The following COL22A1 variants were observed in gnomAD, a reference collection of about 807,000 sequenced individuals.
The protein encoded by COL22A1 is collagen alpha-1(XXII) chain.
In COL22A1, 221 loss-of-function variants were observed where a neutral mutation model predicts 248.9. That is an observed-to-expected ratio of 0.89 (90% CI 0.80 to 0.99). COL22A1 has a LOEUF of 0.99. COL22A1 is among the 50% of genes least tolerant of loss of function. COL22A1 has a pLI of 0.00. For synonymous variants in COL22A1, 891 were observed against 793.4 expected, an observed-to-expected ratio of 1.12 and a Z score of -2.07; for missense variants, 2,240 against 2,179.0, an observed-to-expected ratio of 1.03 and a Z score of -0.56.
chr8:138,795,419 A>C (rs1170485452), intron 12 of COL22A1, among the ~76,000 whole-genome samples: 1 of 152,146 alleles, frequency 6.6e-6, no homozygotes, highest in Non-Finnish European at 1.5e-5. Flanking sequence ...AAGAAATGTG[A>C]GGGAGAAAAT....
At chr8:138,824,013 A>G (rs555179562) in intron 6 of COL22A1, among the ~76,000 whole-genome samples, 34 of 152,344 alleles carry the variant, frequency 2.2e-4, no homozygotes, top group African/African-American at 7.9e-4. Flanking sequence ...TCTGTGCTCC[A>G]CATGGCTTCA....
chr8:138,624,989 C>T (rs1221262041), intron 51 of COL22A1, among the ~76,000 whole-genome samples: 1 of 152,160 alleles, frequency 6.6e-6, no homozygotes, highest in Non-Finnish European at 1.5e-5. Context: ...GAATATAACC[C>T]CATGATTAAT....
intron 39 of COL22A1, among the ~76,000 whole-genome samples, chr8:138,682,590 A>C (rs940223606): frequency 4.6e-5 from 7 of 152,176 alleles, no homozygotes; most frequent in African/African-American, 1.7e-4. Flanking sequence ...TCTTCTCTGA[A>C]CACATTCTGC....
chr8:138,642,944 G>A (rs530901770), intron 47 of COL22A1, among the ~76,000 whole-genome samples: 470 of 151,640 alleles, frequency 3.1e-3, no homozygotes, highest in African/African-American at 0.01. Context: ...CAGGAGAATC[G>A]CTTGAACCTG....
chr8:138,656,069 G>A, intron 44 of COL22A1, 125 bp from the exon 45 acceptor site: 1 of 757,746 alleles, frequency 1.3e-6, no homozygotes. Context: ...CCGTGCGTGG[G>A]ATACGGACAG....
chr8:138,850,545 C>T (rs570353321), intron 3 of COL22A1, among the ~76,000 whole-genome samples: 11 of 152,058 alleles, frequency 7.2e-5, no homozygotes, highest in East Asian at 1.9e-4. Flanking sequence ...TGATGGGAGC[C>T]GGGGATGCAG....
intron 7 of COL22A1, among the ~76,000 whole-genome samples, chr8:138,815,873 T>A (rs1323552222): frequency 6.6e-6 from 1 of 152,052 alleles, no homozygotes; most frequent in Non-Finnish European, 1.5e-5. Flanking sequence ...GACTGACCAC[T>A]CCCCTGCTCC....
intron 46 of COL22A1, 113 bp downstream of exon 46, chr8:138,649,552 C>A (rs1490083126): frequency 3.3e-6 from 5 of 1,508,572 alleles, no homozygotes; most frequent in Non-Finnish European, 4.4e-6. Flanking sequence ...TATCTTGAAT[C>A]TTGAACCCCT....
intron 3 of COL22A1, among the ~76,000 whole-genome samples, chr8:138,863,668 C>T (rs950781052): frequency 6.6e-6 from 1 of 152,132 alleles, no homozygotes; most frequent in Non-Finnish European, 1.5e-5. Context: ...TGCAGGGCTC[C>T]GTGGCTGTGC....
chr8:138,610,751 A>G (rs1326780579), intron 56 of COL22A1, among the ~76,000 whole-genome samples: 8 of 152,142 alleles, frequency 5.3e-5, no homozygotes, highest in African/African-American at 1.9e-4. Flanking sequence ...ACCTGTTCTG[A>G]GTACTCTCTG....
chr8:138,806,139 G>GT (rs1563788699), intron 10 of COL22A1, among the ~76,000 whole-genome samples: 101 of 64,508 alleles, frequency 1.6e-3, no homozygotes, highest in Middle Eastern at 0.011. Flanking sequence ...GGTGTGTGGT[G>GT]GTGTGTGTGT....
At chr8:138,898,079 C>T (rs28750143) in intron 1 of COL22A1, among the ~76,000 whole-genome samples, 94,749 of 151,984 alleles carry the variant, frequency 0.62, 30,508 homozygotes, top group East Asian at 0.85. Context: ...TAGGACTCTG[C>T]GCTCATAACC....
intron 1 of COL22A1, among the ~76,000 whole-genome samples, chr8:138,911,859 A>G (rs753167056): frequency 1.7e-4 from 26 of 152,200 alleles, no homozygotes; most frequent in Non-Finnish European, 2.9e-4. Context: ...GATCCCTGGG[A>G]GCCACTCTTG....
intron 3 of COL22A1, among the ~76,000 whole-genome samples, chr8:138,865,394 G>C (rs1327488888): frequency 1.3e-5 from 2 of 151,980 alleles, no homozygotes; most frequent in Non-Finnish European, 2.9e-5. Flanking sequence ...GTGAGTGTAT[G>C]TGTGTGTCTT....
intron 12 of COL22A1, among the ~76,000 whole-genome samples, chr8:138,783,509 G>A (rs1815229434): frequency 6.6e-6 from 1 of 152,104 alleles, no homozygotes; most frequent in Non-Finnish European, 1.5e-5. Flanking sequence ...TTTTCTGCCT[G>A]CTTATATTCT....
At chr8:138,773,999 G>A (rs1007273469) in intron 16 of COL22A1, among the ~76,000 whole-genome samples, 1 of 152,128 alleles carries the variant, frequency 6.6e-6, no homozygotes, top group African/African-American at 2.4e-5. Context: ...AGCAACTCAC[G>A]CTCCTGTGTG....
At chr8:138,796,062 G>A (rs968825377) in intron 12 of COL22A1, among the ~76,000 whole-genome samples, 2 of 152,134 alleles carry the variant, frequency 1.3e-5, no homozygotes, top group South Asian at 2.1e-4. Flanking sequence ...CCAAGAAAAC[G>A]ATAATTTTTT....
At chr8:138,852,925 T>G (rs904809338) in intron 3 of COL22A1, among the ~76,000 whole-genome samples, 2 of 151,916 alleles carry the variant, frequency 1.3e-5, no homozygotes, top group Admixed American at 6.6e-5. Context: ...GGTGGATCAC[T>G]TGAGGCCAGG....
intron 44 of COL22A1, among the ~76,000 whole-genome samples, chr8:138,656,501 T>A (rs1823277150): frequency 6.6e-6 from 1 of 152,186 alleles, no homozygotes; most frequent in Admixed American, 6.5e-5. Flanking sequence ...ACAGAGCCTC[T>A]ACAGGTAGGT....
Sources: gnomAD v4.1 joint callset for allele counts (sites outside exome capture counted in the v4.1 genomes callset) on GRCh38, gnomAD v4.1.1 for gene constraint, MANE v1.5 for transcripts, NCBI Gene and HGNC (gene_info 2026-07-23, HGNC 2026-07-21) for gene names.